TBC1D21: variants seen among roughly 807,000 people sequenced by gnomAD.
TBC1D21 encodes the protein TBC1 domain family member 21.
In TBC1D21, 38 loss-of-function variants were observed where a neutral mutation model predicts 46.0. The ratio of observed to expected loss-of-function variants is 0.83; its 90% CI spans 0.64 to 1.08. The LOEUF (loss-of-function observed/expected upper bound fraction) is 1.08. Ranked by LOEUF, TBC1D21 falls within the 50% of genes least tolerant of loss-of-function variation. The pLI, the probability that TBC1D21 is intolerant of heterozygous loss-of-function variation, is 0.00. For missense variants in TBC1D21, 415 were observed against 417.9 expected, an observed-to-expected ratio of 0.99 and a Z score of 0.06; for synonymous variants, 151 against 157.2, an observed-to-expected ratio of 0.96 and a Z score of 0.29.
Position 73,884,244 on chromosome 15 carries a change from T to C in TBC1D21, c.366T>C (p.Ile122=). ...HRNFTETRNN[I]ARDIQKIYDK... ...ACTTCACAGAGACTCGCAATAACAT[T>C]GGTGAGCAAAGTGGGGTGGAGAGGG... Residue 122 remains isoleucine, a splice_region_variant and synonymous_variant, in exon 4 of 11, where the codon ATT becomes ATC. Coordinates refer to ENST00000300504, the MANE Select transcript of TBC1D21 (RefSeq NM_153356.3). The C allele has an allele frequency of 6.2e-7, 1 of 1,614,084 alleles. No homozygotes were observed. Among genetic ancestry groups the C allele is most frequent in the Non-Finnish European group, 8.5e-7 (1 of 1,179,912 alleles).
chr15:73,881,260 G>A, intron 1 of TBC1D21, 139 bp from the exon 2 acceptor site: 1 of 611,842 alleles, frequency 1.6e-6, no homozygotes, highest in Non-Finnish European at 2.8e-6. Flanking sequence ...TTTCAGTAAT[G>A]TCCTCAAGAT....
At chr15:73,898,162 C>G in the TBC1D21 span, among the ~76,000 whole-genome samples, 253 of 152,334 alleles carry the variant, frequency 1.7e-3, 2 homozygotes, top group Non-Finnish European at 2.6e-3. Flanking sequence ...CCTCACCATG[C>G]GCAGGCTCAC....
At chr15:73,879,780 G>A (rs1416556770) in intron 1 of TBC1D21, among the ~76,000 whole-genome samples, 2 of 152,220 alleles carry the variant, frequency 1.3e-5, no homozygotes, top group African/African-American at 4.8e-5. Flanking sequence ...CTTTATGTCT[G>A]CAATGTGGCA....
At chr15:73,893,323 A>C (rs7167874), downstream of TBC1D21, among the ~76,000 whole-genome samples, 1 of 152,194 alleles carries the variant, frequency 6.6e-6, no homozygotes. Flanking sequence ...AGGCCTAGAC[A>C]TAATATCTTT....
chr15:73,896,279 GGAGAGGATGGCAATGCC>G, the TBC1D21 span, among the ~76,000 whole-genome samples: 1 of 152,208 alleles, frequency 6.6e-6, no homozygotes, highest in Non-Finnish European at 1.5e-5. Flanking sequence ...CAGTCATAGT[GGAGAGGATGGCAATGCC>G]GAGGTGAGGG....
At chr15:73,885,198 G>A in intron 6 of TBC1D21, 95 bp downstream of exon 6, 1 of 1,160,330 alleles carries the variant, frequency 8.6e-7, no homozygotes, top group Non-Finnish European at 1.3e-6. Flanking sequence ...GGCCACCCCA[G>A]CCATTCCTTC....
chr15:73,893,756 C>T (rs1483747495), downstream of TBC1D21, among the ~76,000 whole-genome samples: 1 of 152,074 alleles, frequency 6.6e-6, no homozygotes, highest in African/African-American at 2.4e-5. Context: ...GCCACCAGAC[C>T]TTTGGTCAGT....
intron 3 of TBC1D21, 36 bp downstream of exon 3, chr15:73,881,783 GGCCTGCAGGTGGCAGGTGCTGCCTCCCCA>G: frequency 6.3e-7 from 1 of 1,577,058 alleles, no homozygotes; most frequent in Admixed American, 1.7e-5. Context: ...ACAGGAGGGG[GGCCTGCAGGTGGCAGGTGCTGCCTCCCCA>G]GCCTGCAGAC....
intron 1 of TBC1D21, among the ~76,000 whole-genome samples, chr15:73,874,038 G>C (rs1419781412): frequency 6.6e-6 from 1 of 152,208 alleles, no homozygotes; most frequent in Non-Finnish European, 1.5e-5. Flanking sequence ...GTGCGAACCT[G>C]AAGATGCTGA....
At chr15:73,898,695 C>T in the TBC1D21 span, among the ~76,000 whole-genome samples, 3 of 151,172 alleles carry the variant, frequency 2.0e-5, no homozygotes, top group East Asian at 5.8e-4. Context: ...GAAACCCTGT[C>T]TGTACTAAAA....
the TBC1D21 span, chr15:73,909,647 C>T: frequency 6.6e-6 from 1 of 152,130 alleles, no homozygotes; most frequent in African/African-American, 2.4e-5. Flanking sequence ...CTTCTTTCTT[C>T]TAGGGTGGCA....
intron 1 of TBC1D21, among the ~76,000 whole-genome samples, chr15:73,874,105 G>A (rs2068017102): frequency 6.6e-6 from 1 of 152,242 alleles, no homozygotes; most frequent in African/African-American, 2.4e-5. Context: ...CCAGGTGGCA[G>A]TAATGCTTTT....
At chr15:73,901,868 G>C in the TBC1D21 span, among the ~76,000 whole-genome samples, 1 of 151,852 alleles carries the variant, frequency 6.6e-6, no homozygotes, top group Non-Finnish European at 1.5e-5. Flanking sequence ...CTGGAGTATA[G>C]AGGCACCACC....
downstream of TBC1D21, among the ~76,000 whole-genome samples, chr15:73,892,115 T>C (rs1285844250): frequency 1.3e-5 from 2 of 152,120 alleles, no homozygotes; most frequent in Non-Finnish European, 1.5e-5. Flanking sequence ...CTGAAGCCCA[T>C]AAAAATCCCC....
rs1282782441 is a variant in TBC1D21, at chr15:73,884,188, A to G, written c.310A>G (p.Ile104Val). 22 of 1,614,242 alleles carry G rather than the reference A, an allele frequency of 1.4e-5. No homozygotes were observed. The highest frequency in any genetic ancestry group is 1.9e-5 in the Non-Finnish European group (22 of 1,180,040). The change falls in exon 4 of 11, where the codon ATT becomes GTT. Residue 104 changes from isoleucine to valine, a missense_variant. Coordinates refer to ENST00000300504, the MANE Select transcript of TBC1D21 (RefSeq NM_153356.3). ...GGCCTTATGCCAAATGTATGAGAAG[A>G]TTCAGCCCCTTCTGGAAAACCTGCA... ...YKALCQMYEK[I>V]QPLLENLHRN...
chr15:73,897,921 G>A, the TBC1D21 span, among the ~76,000 whole-genome samples: 4 of 149,428 alleles, frequency 2.7e-5, no homozygotes, highest in South Asian at 2.2e-4. Context: ...TGGGACCCAC[G>A]CGCCGCCTCT....
rs2068232674 is a variant in TBC1D21, at chr15:73,885,724, C to T, written c.580-354C>T. ...GCTGCCCTTCCCTTGTCCCAGTTGGCTCTGCCCCAACACTATTGTGTGAGG... is the reference window on the plus strand; with the variant it reads ...GCTGCCCTTCCCTTGTCCCAGTTGGTTCTGCCCCAACACTATTGTGTGAGG... On this transcript the variant is annotated intron_variant, in intron 6 of 10. Transcript: ENST00000300504. Among the ~76,000 whole-genome samples, 2 of 151,916 alleles carry T rather than the reference C, an allele frequency of 1.3e-5. 1 individual carries two copies. Among genetic ancestry groups the T allele is most frequent in the South Asian group, 4.1e-4 (2 of 4,822 alleles).
At chr15:73,906,125 A>G in the TBC1D21 span, among the ~76,000 whole-genome samples, 6 of 152,162 alleles carry the variant, frequency 3.9e-5, no homozygotes, top group African/African-American at 1.4e-4. Flanking sequence ...AGAGTCCCAG[A>G]AAGTTTGTTG....
the TBC1D21 span, among the ~76,000 whole-genome samples, chr15:73,898,379 C>T: frequency 2.0e-5 from 3 of 152,206 alleles, no homozygotes; most frequent in African/African-American, 7.2e-5. Flanking sequence ...TTACCTGTTT[C>T]ACTGTGAAAA....
Sources: allele counts gnomAD v4.1 joint callset (sites outside exome capture counted in the v4.1 genomes callset), GRCh38; gene constraint gnomAD v4.1.1; transcripts MANE v1.5; gene names NCBI Gene and HGNC (gene_info 2026-07-23, HGNC 2026-07-21).